Variants in NFS1 observed in about 807,000 individuals in gnomAD.
The protein encoded by NFS1 is cysteine desulfurase.
NFS1 carries 26 observed loss-of-function variants against 57.3 expected under a neutral mutation model. The observed-to-expected ratio is 0.45, with a 90% CI of 0.33 to 0.63. The LOEUF (loss-of-function observed/expected upper bound fraction) is 0.63, where lower values mean the gene tolerates loss of function less well. Ranked by LOEUF, NFS1 falls within the 20% of genes least tolerant of loss-of-function variation. The pLI is 0.02. For missense variants in NFS1, 505 were observed against 605.8 expected, an observed-to-expected ratio of 0.83 and a Z score of 1.75; for synonymous variants, 209 against 216.3, an observed-to-expected ratio of 0.97 and a Z score of 0.30.
At chr20:35,697,503 C>A (rs1242279715) in intron 3 of NFS1, among the ~76,000 whole-genome samples, 181 bp downstream of exon 3, 6 of 152,044 alleles carry the variant, frequency 3.9e-5, no homozygotes. Context: ...AGTCATTTAG[C>A]CAGGAAATAT....
intron 5 of NFS1, among the ~76,000 whole-genome samples, chr20:35,684,426 A>AAAATT (rs1302234288): frequency 7.1e-6 from 1 of 141,104 alleles, no homozygotes; most frequent in East Asian, 2.0e-4. Context: ...AAAATAAAAT[A>AAAATT]AAATAAAATA....
intron 5 of NFS1, among the ~76,000 whole-genome samples, chr20:35,687,510 T>A (rs982973913): frequency 6.6e-6 from 1 of 152,080 alleles, no homozygotes; most frequent in Non-Finnish European, 1.5e-5. Context: ...TACCTATCAT[T>A]AGAGATGGCT....
intron 11 of NFS1, 62 bp downstream of exon 11, chr20:35,673,539 T>C: frequency 3.5e-6 from 5 of 1,421,960 alleles, no homozygotes; most frequent in Admixed American, 1.8e-5. Context: ...AAAAAAACTG[T>C]AACAGGAGAT....
Position 35,676,862 on chromosome 20 carries a change from C to A in NFS1, c.791-1660G>T, listed in dbSNP as rs368866989. Among the ~76,000 whole-genome samples the A allele has an allele frequency of 1.5e-4, 23 of 149,788 alleles. No individual in the cohort carries two copies. In the East Asian group the frequency reaches 4.1e-3, roughly 27 times the overall value. On this transcript the variant is annotated intron_variant, in intron 7 of 12. Transcript: ENST00000374092. ...GGTGAGAGGCAGACTTTTGTCTGTG[C>A]CTTTTTTTTCCCTTTTTTTTTGAGA...
intron 5 of NFS1, among the ~76,000 whole-genome samples, chr20:35,689,438 T>A (rs1259340210): frequency 7.1e-6 from 1 of 140,992 alleles, no homozygotes; most frequent in African/African-American, 2.7e-5. Context: ...GCCTGGCCAA[T>A]ATGGTGAAAC....
chr20:35,693,632 AG>A (rs1201783228), intron 4 of NFS1, among the ~76,000 whole-genome samples: 1 of 152,082 alleles, frequency 6.6e-6, no homozygotes, highest in Non-Finnish European at 1.5e-5. Context: ...GTTCAAGACC[AG>A]CCTGGGCAAC....
chr20:35,685,812 C>T (rs892175066), intron 5 of NFS1, among the ~76,000 whole-genome samples: 2 of 140,600 alleles, frequency 1.4e-5, no homozygotes, highest in Non-Finnish European at 3.1e-5. Flanking sequence ...GAGCTGAGAT[C>T]GCGCCACTGC....
Position 35,699,209 on chromosome 20 carries a change from C to A in NFS1, c.80G>T (p.Arg27Leu). ...APGPKPAAPT[R>L]GLRLRVGDRA... ...GAGCGTACCGCGCAGGCGCAGCCCCCGAGTGGGCGCCGCGGGCTTCGGCCC... is the reference window on the plus strand; with the variant it reads ...GAGCGTACCGCGCAGGCGCAGCCCCAGAGTGGGCGCCGCGGGCTTCGGCCC... Residue 27 changes from arginine (R) to leucine (L), a missense_variant, in exon 1 of 13, where the codon CGG becomes CTG. Arg to Leu is a moderately radical substitution (Grantham distance 102, BLOSUM62 -2). Transcript: ENST00000374092. This position sits in a 1 kb window ranked among gnomAD's most constrained non-coding sequence, Gnocchi z 4.4. 7.0e-7 allele frequency: 1 copy of A among 1,423,050 alleles called. No homozygotes were observed. 88.2% of individuals were successfully genotyped at this position (1,423,050 alleles called of 1,614,324 possible). A position where few individuals can be genotyped will look rare whatever the true frequency, so the allele number is the denominator to read the frequency against.
intron 5 of NFS1, among the ~76,000 whole-genome samples, chr20:35,685,852 C>T (rs1175503724): frequency 2.2e-5 from 3 of 137,598 alleles, no homozygotes; most frequent in African/African-American, 8.2e-5. Context: ...GAGCGAAATT[C>T]AGTACCCCCC....
intron 5 of NFS1, among the ~76,000 whole-genome samples, chr20:35,688,682 C>G (rs999726292): frequency 6.6e-6 from 1 of 151,530 alleles, no homozygotes; most frequent in African/African-American, 2.4e-5. Context: ...GCACTCCAGC[C>G]TGGACAACTC....
Position 35,689,769 on chromosome 20 carries a change from A to T in NFS1, c.561+644T>A, listed in dbSNP as rs1384307177. ...TGGCAATACAGCGAGACTCTGTTTTAAAAAAAAAAAAAAAAAAAATTAGCC... is the reference window on the plus strand; with the variant it reads ...TGGCAATACAGCGAGACTCTGTTTTTAAAAAAAAAAAAAAAAAAATTAGCC... On this transcript the variant is annotated intron_variant, in intron 5 of 12. Transcript: ENST00000374092. Among the ~76,000 whole-genome samples the T allele has an allele frequency of 4.4e-3, 538 of 123,162 alleles. 4 individuals carry two copies. The highest frequency in any genetic ancestry group is 0.015 in the African/African-American group (489 of 33,712). The allele number at this position is 123,162 out of a possible 152,430, so 80.8% of individuals were successfully genotyped here.
In NFS1 at chr20:35,672,778, A is replaced by G. The variant is rs2034678549; in HGVS notation, c.1287T>C (p.His429=). 6.2e-7 allele frequency: 1 copy of G among 1,613,058 alleles called. No individual in the cohort carries two copies. Among genetic ancestry groups the G allele is most frequent in the Non-Finnish European group, 8.5e-7 (1 of 1,179,038 alleles). ...VDYTVEKCIQ[H]VKRLREMSPL... ...ACCTCATTTCTCGAAGACGCTTCACATGCTGAATGCATTTCTCCACTGTGT... is the reference window on the plus strand; with the variant it reads ...ACCTCATTTCTCGAAGACGCTTCACGTGCTGAATGCATTTCTCCACTGTGT... The change falls in exon 12 of 13, where the codon CAT becomes CAC. Residue 429 remains histidine (H), a synonymous_variant. Transcript: ENST00000374092.
chr20:35,669,728 G>A lies in NFS1; in HGVS notation c.1311-43C>T, dbSNP rs559173224. ...CATTAAATGAGTGAGGGCTTAGATA[G>A]GAAGTCGACAACATTGGCCCCAAGG... On this transcript the variant is annotated intron_variant, in intron 12 of 12. Transcript: ENST00000374092. 14 of 1,579,782 alleles carry A rather than the reference G, an allele frequency of 8.9e-6. No individual in the cohort carries two copies. In the Admixed American group the frequency reaches 1.8e-4, roughly 21 times the overall value.
chr20:35,672,152 G>A (rs1173821685), intron 12 of NFS1, among the ~76,000 whole-genome samples: 2 of 151,926 alleles, frequency 1.3e-5, no homozygotes, highest in African/African-American at 4.8e-5. Context: ...GAGAGACGGG[G>A]TTTCAACGTG....
In NFS1 at chr20:35,697,794, G is replaced by A. The variant is rs762095039; in HGVS notation, c.214C>T (p.Arg72Trp). 7 of 1,606,496 alleles carry A rather than the reference G, an allele frequency of 4.4e-6. No homozygotes were observed. The highest frequency in any genetic ancestry group is 4.5e-5 in the East Asian group (2 of 44,824). ...DVQATTPLDP[R>W]VLDAMLPYLI... ...TAAGGGAGCATGGCATCAAGCACCC[G>A]GGGGTCCTGAACACAACAGAACAGA... is the stretch of plus-strand genomic sequence containing the variant. The change falls in exon 3 of 13, where the codon CGG becomes TGG. Residue 72 changes from arginine to tryptophan, a missense_variant. Coordinates refer to ENST00000374092, the MANE Select transcript of NFS1 (RefSeq NM_021100.5).
intron 4 of NFS1, 115 bp from the exon 5 acceptor site, chr20:35,690,680 C>T: frequency 1.1e-6 from 1 of 951,704 alleles, no homozygotes. Context: ...CACCAGTTCT[C>T]TCATACCAAC....
At chr20:35,680,679 T>G (rs1321631187) in intron 7 of NFS1, 58 bp downstream of exon 7, 1 of 1,375,104 alleles carries the variant, frequency 7.3e-7, no homozygotes, top group African/African-American at 1.5e-5. Flanking sequence ...GTGACAAACA[T>G]CTATCAAAGG....
chr20:35,685,300 G>A (rs1047839278), intron 5 of NFS1, among the ~76,000 whole-genome samples: 1 of 151,882 alleles, frequency 6.6e-6, no homozygotes, highest in African/African-American at 2.4e-5. Flanking sequence ...GATCATTTGA[G>A]CCTAGGAGGT....
intron 5 of NFS1, among the ~76,000 whole-genome samples, chr20:35,689,491 G>A (rs375831360): frequency 3.1e-4 from 43 of 140,454 alleles, no homozygotes; most frequent in East Asian, 1.5e-3. Flanking sequence ...AAGTGTGGCC[G>A]GGCACGGTGG....
Sources: allele counts gnomAD v4.1 joint callset (sites outside exome capture counted in the v4.1 genomes callset), GRCh38; gene constraint gnomAD v4.1.1; non-coding constraint Gnocchi (gnomAD v3.1); transcripts MANE v1.5; gene names NCBI Gene and HGNC (gene_info 2026-07-23, HGNC 2026-07-21).